DCDC1: variants seen among roughly 807,000 people sequenced by gnomAD.
DCDC1 encodes doublecortin domain containing 1.
In DCDC1, 200 loss-of-function variants were observed where a neutral mutation model predicts 178.3. The ratio of observed to expected loss-of-function variants is 1.12; its 90% CI spans 1.00 to 1.26. DCDC1 has a LOEUF of 1.26. DCDC1 is among the 50% of genes most tolerant of loss of function. The probability of loss-of-function intolerance (pLI) is 0.00; values close to 1 mark genes in which losing one functional copy is unlikely to be tolerated. For synonymous variants in DCDC1, 690 were observed against 604.8 expected, an observed-to-expected ratio of 1.14 and a Z score of -2.07; for missense variants, 1,983 against 1,749.2, an observed-to-expected ratio of 1.13 and a Z score of -2.38.
intron 20 of DCDC1, among the ~76,000 whole-genome samples, chr11:31,037,425 T>C (rs1954115763): frequency 4.3e-5 from 2 of 46,490 alleles, no homozygotes; most frequent in South Asian, 1.2e-3. Flanking sequence ...CCTCTAAATA[T>C]TTCTTTCTTT....
At chr11:31,097,934 T>C (rs951204966) in intron 15 of DCDC1, among the ~76,000 whole-genome samples, 4 of 152,206 alleles carry the variant, frequency 2.6e-5, no homozygotes, top group Non-Finnish European at 5.9e-5. Flanking sequence ...TGCATTCTAC[T>C]AGCATCCATA....
At chr11:30,914,879 A>G (rs1383032554) in intron 27 of DCDC1, among the ~76,000 whole-genome samples, 1 of 152,176 alleles carries the variant, frequency 6.6e-6, no homozygotes, top group Non-Finnish European at 1.5e-5. Flanking sequence ...ATTGGACCCA[A>G]CAAAATTAAT....
chr11:30,933,859 A>G (rs759032593), intron 21 of DCDC1, among the ~76,000 whole-genome samples: 1 of 152,158 alleles, frequency 6.6e-6, no homozygotes, highest in Non-Finnish European at 1.5e-5. Context: ...TGGGTCATCA[A>G]TTCCAGCATT....
chr11:31,165,803 G>T (rs545265297), intron 9 of DCDC1, among the ~76,000 whole-genome samples: 2 of 152,236 alleles, frequency 1.3e-5, no homozygotes, highest in South Asian at 4.1e-4. Context: ...GTGCTAGAGT[G>T]CCCTTTAAAA....
At chr11:31,149,869 C>G (rs999713538) in intron 9 of DCDC1, among the ~76,000 whole-genome samples, 8 of 152,206 alleles carry the variant, frequency 5.3e-5, no homozygotes, top group African/African-American at 1.9e-4. Context: ...AGAGCTGTAA[C>G]ACTTGCCGCA....
At chr11:30,982,044 TA>T (rs1590650727) in intron 20 of DCDC1, among the ~76,000 whole-genome samples, 2 of 152,214 alleles carry the variant, frequency 1.3e-5, no homozygotes, top group African/African-American at 4.8e-5. Flanking sequence ...TTGAGATAGC[TA>T]ACCAAAATTC....
intron 23 of DCDC1, among the ~76,000 whole-genome samples, chr11:30,924,845 G>C (rs1208043810): frequency 1.3e-5 from 2 of 152,168 alleles, no homozygotes; most frequent in Non-Finnish European, 2.9e-5. Flanking sequence ...GGCTGAGGCA[G>C]GTGGATCACC....
chr11:30,960,355 T>C (rs1032486619), intron 20 of DCDC1, among the ~76,000 whole-genome samples: 2 of 152,098 alleles, frequency 1.3e-5, no homozygotes, highest in African/African-American at 2.4e-5. Context: ...TTAATAAACA[T>C]TAACATAGAG....
chr11:31,106,986 G>C (rs751213810), intron 12 of DCDC1, 26 bp from the exon 13 acceptor site: 1 of 742,914 alleles, frequency 1.3e-6, no homozygotes, highest in Non-Finnish European at 2.4e-6. Flanking sequence ...AGGGGCAGAG[G>C]GGATAGAGGA....
At chr11:31,185,386 T>C (rs987413799) in intron 9 of DCDC1, among the ~76,000 whole-genome samples, 1 of 151,860 alleles carries the variant, frequency 6.6e-6, no homozygotes, top group African/African-American at 2.4e-5. Flanking sequence ...TCTGCACCTA[T>C]AGCCCAGAAC....
At chr11:31,282,804 A>AT (rs1040469494) in intron 7 of DCDC1, among the ~76,000 whole-genome samples, 1 of 151,980 alleles carries the variant, frequency 6.6e-6, no homozygotes, top group Non-Finnish European at 1.5e-5. Flanking sequence ...TATTTCGAAG[A>AT]TTTTTTTTAA....
At chr11:31,132,474 T>A (rs755260239) in intron 10 of DCDC1, among the ~76,000 whole-genome samples, 5 of 152,142 alleles carry the variant, frequency 3.3e-5, no homozygotes, top group Non-Finnish European at 7.4e-5. Flanking sequence ...AGGGGGAAAG[T>A]GTTCTTTAAA....
chr11:31,047,221 C>T (rs1006118004), intron 20 of DCDC1, among the ~76,000 whole-genome samples: 1 of 152,092 alleles, frequency 6.6e-6, no homozygotes, highest in Admixed American at 6.5e-5. Context: ...TATAACATTA[C>T]ATTATACAAA....
chr11:31,090,058 T>G (rs1388716700), intron 17 of DCDC1, among the ~76,000 whole-genome samples: 2 of 152,168 alleles, frequency 1.3e-5, no homozygotes, highest in East Asian at 3.8e-4. Context: ...TTTACAGAAC[T>G]CATTTTGCTT....
At chr11:31,037,654 G>A (rs926230985) in intron 20 of DCDC1, among the ~76,000 whole-genome samples, 1 of 151,838 alleles carries the variant, frequency 6.6e-6, no homozygotes, top group Non-Finnish European at 1.5e-5. Context: ...TAGTAGAGAC[G>A]GGGTTTCACC....
intron 9 of DCDC1, among the ~76,000 whole-genome samples, chr11:31,192,662 G>A (rs957304448): frequency 2.0e-5 from 3 of 152,014 alleles, no homozygotes; most frequent in African/African-American, 7.2e-5. Context: ...TACTACCATA[G>A]TACCTTGTTT....
chr11:31,253,694 T>A (rs1306622171), intron 8 of DCDC1, among the ~76,000 whole-genome samples: 1 of 152,214 alleles, frequency 6.6e-6, no homozygotes, highest in Non-Finnish European at 1.5e-5. Flanking sequence ...ATGCCTGAAT[T>A]CCTGACCCAC....
At chr11:31,324,699 A>G (rs1469115459) in intron 3 of DCDC1, among the ~76,000 whole-genome samples, 1 of 152,128 alleles carries the variant, frequency 6.6e-6, no homozygotes, top group African/African-American at 2.4e-5. Flanking sequence ...GGAATGCTGA[A>G]GTTGCTAAAC....
intron 31 of DCDC1, 23 bp from the exon 32 acceptor site, chr11:30,903,706 A>T (rs753832361): frequency 6.7e-5 from 105 of 1,556,326 alleles, no homozygotes; most frequent in Non-Finnish European, 8.2e-5. Flanking sequence ...GGCAGTAAGG[A>T]TCTGACAGGC....
Sources: gnomAD v4.1 joint callset for allele counts (sites outside exome capture counted in the v4.1 genomes callset) on GRCh38, gnomAD v4.1.1 for gene constraint, MANE v1.5 for transcripts, NCBI Gene and HGNC (gene_info 2026-07-23, HGNC 2026-07-21) for gene names.